Variants in ZMIZ1 observed in about 807,000 individuals in gnomAD.
ZMIZ1 encodes zinc finger MIZ-type containing 1.
In ZMIZ1, 17 loss-of-function variants were observed where a neutral mutation model predicts 113.9. That is an observed-to-expected ratio of 0.15 (90% CI 0.10 to 0.22). The LOEUF (loss-of-function observed/expected upper bound fraction) is 0.22. Ranked by LOEUF, ZMIZ1 falls within the 10% of genes least tolerant of loss-of-function variation. The pLI is 1.00. For missense variants in ZMIZ1, 1,059 were observed against 1,477.8 expected, an observed-to-expected ratio of 0.72 and a Z score of 4.65; for synonymous variants, 607 against 603.1, an observed-to-expected ratio of 1.01 and a Z score of -0.09.
chr10:79,280,032 A>C (rs913084387), intron 8 of ZMIZ1, among the ~76,000 whole-genome samples: 3 of 149,450 alleles, frequency 2.0e-5, no homozygotes, highest in African/African-American at 7.4e-5. Context: ...TCTGTCACCC[A>C]GGCTGTAGTA....
At chr10:79,223,589 C>G (rs911133707) in intron 7 of ZMIZ1, among the ~76,000 whole-genome samples, 14 of 152,234 alleles carry the variant, frequency 9.2e-5, no homozygotes, top group African/African-American at 1.7e-4. Flanking sequence ...CCTGTTCACG[C>G]GCTCACCTCC....
At chr10:79,288,294 TG>T in intron 8 of ZMIZ1, among the ~76,000 whole-genome samples, 1 of 152,220 alleles carries the variant, frequency 6.6e-6, no homozygotes, top group South Asian at 2.1e-4. Flanking sequence ...ACCTCTGGGC[TG>T]GGCTCCTTGC....
Position 79,307,552 on chromosome 10 carries a change from G to A in ZMIZ1, c.2816G>A (p.Ser939Asn). 1 of 1,604,984 alleles carries A rather than the reference G, an allele frequency of 6.2e-7. No homozygotes were observed. The stretch of plus-strand genomic sequence containing the variant: ...ATGGCCGCCCTCGAGAAACCCCTCA[G>A]CCACCCCATGCAGGAAACTGTGAGT... ...NNMAALEKPL[S>N]HPMQETMPHA... is the part of the protein sequence containing the mutation. Residue 939 changes from serine to asparagine, a missense_variant, in exon 23 of 25, where the codon AGC becomes AAC. Transcript: ENST00000334512.
intron 1 of ZMIZ1, among the ~76,000 whole-genome samples, chr10:79,084,336 G>A (rs1006394074): frequency 6.6e-6 from 1 of 152,220 alleles, no homozygotes; most frequent in African/African-American, 2.4e-5. Flanking sequence ...TCCTCTTTCT[G>A]TTCTGTGTCC....
At chr10:79,277,057 G>A (rs943112849) in intron 7 of ZMIZ1, 124 bp from the exon 8 acceptor site, 55 of 1,263,568 alleles carry the variant, frequency 4.4e-5, no homozygotes, top group South Asian at 3.7e-4. Flanking sequence ...GTCTTCTGGC[G>A]TCACACGAAT....
At chr10:79,244,728 C>T (rs758372909) in intron 7 of ZMIZ1, among the ~76,000 whole-genome samples, 4 of 152,148 alleles carry the variant, frequency 2.6e-5, no homozygotes, top group Non-Finnish European at 4.4e-5. Context: ...TGAGAGTGGC[C>T]ACAGAAATTG....
At position 79,199,334 on chromosome 10, in the gene ZMIZ1, C is replaced by T. The variant is rs959995948; in HGVS notation, c.-49-2250C>T. On this transcript the variant is annotated intron_variant, in intron 4 of 24. Transcript: ENST00000334512. The stretch of plus-strand genomic sequence containing the variant: ...CATCCTGGCTAACACAGTGAAACCC[C>T]GTCTCTGCTAAAAATACAAAAAATT... Among the ~76,000 whole-genome samples, 6 of 152,114 alleles carry T rather than the reference C, an allele frequency of 3.9e-5. No homozygotes were observed. The South Asian group carries it at 1.0e-3, about 26-fold the overall frequency.
chr10:79,147,901 G>A (rs1845557426), intron 3 of ZMIZ1, among the ~76,000 whole-genome samples: 1 of 152,214 alleles, frequency 6.6e-6, no homozygotes, highest in Non-Finnish European at 1.5e-5. Context: ...TCGGACACCT[G>A]GGGGCCTTCT....
chr10:79,225,794 G>T (rs2132756145), intron 7 of ZMIZ1, among the ~76,000 whole-genome samples: 1 of 152,286 alleles, frequency 6.6e-6, no homozygotes, highest in African/African-American at 2.4e-5. Flanking sequence ...CCCTAGTTAA[G>T]AAGTGCAGCT....
rs1477490211 is a variant in ZMIZ1, at chr10:79,093,159, CACACACACACACACACAT to C, written c.-337+23891_-337+23908del. On this transcript the variant is annotated intron_variant, in intron 1 of 24. Transcript: ENST00000334512. ...CAACACACACACACACACACACACA[CACACACACACACACACAT>C]ATTCAGGGGATGCTTTAGGTTCTCT... Among the ~76,000 whole-genome samples the C allele has an allele frequency of 3.6e-4, 52 of 143,116 alleles. 1 individual carries two copies. The South Asian group carries it at 7.5e-3, about 21-fold the overall frequency. The allele number at this position is 143,116 out of a possible 152,430, so 93.9% of individuals were successfully genotyped here.
At chr10:79,166,058 T>G (rs1846334311) in intron 4 of ZMIZ1, among the ~76,000 whole-genome samples, 1 of 146,458 alleles carries the variant, frequency 6.8e-6, no homozygotes, top group Admixed American at 6.8e-5. Context: ...CTGTCCCATC[T>G]CCCCGTGGCT....
chr10:79,100,195 C>A (rs568841286), intron 1 of ZMIZ1, among the ~76,000 whole-genome samples: 1 of 151,984 alleles, frequency 6.6e-6, no homozygotes, highest in Non-Finnish European at 1.5e-5. Context: ...CTGAGGGGAG[C>A]CCCAGGGGGA....
chr10:79,136,268 C>T (rs1845004327), intron 2 of ZMIZ1, among the ~76,000 whole-genome samples: 2 of 152,260 alleles, frequency 1.3e-5, no homozygotes, highest in South Asian at 4.1e-4. Context: ...CCCCTCTCCC[C>T]ACCCTCCAGG....
At chr10:79,180,988 GA>G (rs940794494) in intron 4 of ZMIZ1, among the ~76,000 whole-genome samples, 1 of 152,242 alleles carries the variant, frequency 6.6e-6, no homozygotes, top group African/African-American at 2.4e-5. Flanking sequence ...TTCTGATGGG[GA>G]AACAGAGGCT....
At chr10:79,148,219 G>A (rs1473066565) in intron 3 of ZMIZ1, among the ~76,000 whole-genome samples, 1 of 152,220 alleles carries the variant, frequency 6.6e-6, no homozygotes, top group Non-Finnish European at 1.5e-5. Flanking sequence ...CCCTCACCCT[G>A]CATGATCACG....
At chr10:79,212,267 C>T (rs1196562659) in intron 6 of ZMIZ1, among the ~76,000 whole-genome samples, 1 of 152,118 alleles carries the variant, frequency 6.6e-6, no homozygotes, top group East Asian at 1.9e-4. Flanking sequence ...AAGCGATCCT[C>T]CTGCCTCAGC....
chr10:79,133,867 A>G lies in ZMIZ1; in HGVS notation c.-226-5815A>G, dbSNP rs538912979. 9.1e-4 allele frequency among the ~76,000 whole-genome samples: 139 copies of G among 152,350 alleles called. 1 individual carries two copies. Among genetic ancestry groups the G allele is most frequent in the African/African-American group, 3.2e-3 (131 of 41,576 alleles). Reference sequence around the variant, plus strand: ...TGTTTAAGGACTGGGGCATTGCCGCAGGCATAATTGTACTACCGAATCCAT... The same window carrying G: ...TGTTTAAGGACTGGGGCATTGCCGCGGGCATAATTGTACTACCGAATCCAT... On this transcript the variant is annotated intron_variant, in intron 2 of 24. Transcript: ENST00000334512.
intron 7 of ZMIZ1, among the ~76,000 whole-genome samples, chr10:79,266,648 G>A (rs896259679): frequency 6.6e-6 from 1 of 152,140 alleles, no homozygotes; most frequent in African/African-American, 2.4e-5. Context: ...TGGTCTCCTG[G>A]GGCCCAGTAG....
chr10:79,305,199 C>T lies in ZMIZ1; in HGVS notation c.2322C>T (p.Cys774=), dbSNP rs150201172. The T allele has an allele frequency of 1.2e-5, 19 of 1,613,998 alleles. No individual in the cohort carries two copies. Among genetic ancestry groups the T allele is most frequent in the East Asian group, 6.7e-5 (3 of 44,888 alleles). ...FDLESYLQLN[C]ERGTWRCPVC... ...TGGAGTCATACCTGCAGCTGAATTGCGAGAGAGGGACCTGGAGGTGTCCTG... is the reference window on the plus strand; with the variant it reads ...TGGAGTCATACCTGCAGCTGAATTGTGAGAGAGGGACCTGGAGGTGTCCTG... The change falls in exon 20 of 25, where the codon TGC becomes TGT. Residue 774 remains cysteine (C), a synonymous_variant. Transcript: ENST00000334512.
Sources: gnomAD v4.1 joint callset for allele counts (sites outside exome capture counted in the v4.1 genomes callset) on GRCh38, gnomAD v4.1.1 for gene constraint, MANE v1.5 for transcripts, NCBI Gene and HGNC (gene_info 2026-07-23, HGNC 2026-07-21) for gene names.